The following TRIM5 variants were observed in gnomAD, a reference collection of about 807,000 sequenced individuals.
TRIM5 encodes the protein tripartite motif-containing protein 5.
Under a neutral mutation model 35.6 loss-of-function variants are expected in TRIM5, and 31 were observed. The ratio of observed to expected loss-of-function variants is 0.87; its 90% CI spans 0.65 to 1.18. TRIM5 has a LOEUF of 1.18. Ranked by LOEUF, TRIM5 falls within the 50% of genes most tolerant of loss-of-function variation. TRIM5 has a pLI of 0.00. For missense variants in TRIM5, 609 were observed against 591.6 expected, an observed-to-expected ratio of 1.03 and a Z score of -0.31; for synonymous variants, 243 against 215.6, an observed-to-expected ratio of 1.13 and a Z score of -1.11.
the TRIM5 span, among the ~76,000 whole-genome samples, chr11:5,607,790 C>T: frequency 6.6e-6 from 1 of 152,182 alleles, no homozygotes; most frequent in Non-Finnish European, 1.5e-5. Context: ...TTCTTTTAAA[C>T]ATCTTGCATT....
chr11:5,671,385 T>C (rs2342389), intron 4 of TRIM5, among the ~76,000 whole-genome samples: 22,435 of 150,080 alleles, frequency 0.15, 2,198 homozygotes, highest in African/African-American at 0.28. Flanking sequence ...AGCTAGAAGA[T>C]AAAGACTTCA....
At chr11:5,643,143 G>A in the TRIM5 span, 4 of 1,429,978 alleles carry the variant, frequency 2.8e-6, no homozygotes, top group Non-Finnish European at 2.7e-6. Flanking sequence ...TTTTCTTGCA[G>A]TGGATGTCAC....
the TRIM5 span, among the ~76,000 whole-genome samples, chr11:5,608,849 T>A: frequency 1.5e-5 from 2 of 133,106 alleles, no homozygotes; most frequent in Non-Finnish European, 3.1e-5. Flanking sequence ...GCCCATAAAT[T>A]TTTTTTTTTT....
At chr11:5,643,252 G>A in the TRIM5 span, 1 of 1,613,840 alleles carries the variant, frequency 6.2e-7, no homozygotes, top group South Asian at 1.1e-5. Context: ...TATAATTATG[G>A]TGTCTTGGGA....
At chr11:5,627,494 G>A in the TRIM5 span, among the ~76,000 whole-genome samples, 376 of 151,896 alleles carry the variant, frequency 2.5e-3, 3 homozygotes, top group Middle Eastern at 6.8e-3. Context: ...AAACTAATTT[G>A]AAAAAAAACT....
At chr11:5,632,255 C>A in the TRIM5 span, 1 of 1,593,276 alleles carries the variant, frequency 6.3e-7, no homozygotes, top group Admixed American at 1.8e-5. Context: ...ATCTTCTCAG[C>A]CATCCAGGGG....
At chr11:5,634,940 A>G in the TRIM5 span, 2 of 1,486,272 alleles carry the variant, frequency 1.3e-6, no homozygotes, top group South Asian at 2.6e-5. Context: ...TGGTGGTGAC[A>G]CTAAGGGGTT....
At chr11:5,668,027 G>T (rs368750510) in intron 4 of TRIM5, among the ~76,000 whole-genome samples, 14 of 152,292 alleles carry the variant, frequency 9.2e-5, no homozygotes, top group African/African-American at 3.1e-4. Context: ...TCCATGAAAT[G>T]ATTTAAATAA....
chr11:5,636,757 C>T, the TRIM5 span, among the ~76,000 whole-genome samples: 8 of 152,268 alleles, frequency 5.3e-5, no homozygotes, highest in Non-Finnish European at 1.2e-4. Flanking sequence ...CATTTCACTT[C>T]TAGATGTTAG....
the TRIM5 span, chr11:5,589,719 A>G: frequency 7.0e-4 from 112 of 159,150 alleles, no homozygotes; most frequent in Non-Finnish European, 1.0e-3. Flanking sequence ...GCGTGCTGGC[A>G]GTCCTCACAG....
At chr11:5,616,248 G>A in the TRIM5 span, among the ~76,000 whole-genome samples, 40,395 of 143,688 alleles carry the variant, frequency 0.28, 9,353 homozygotes, top group East Asian at 0.62. Context: ...ACCGCGCCCG[G>A]CCTCATCTTT....
chr11:5,595,854 T>C, the TRIM5 span, among the ~76,000 whole-genome samples: 4 of 152,054 alleles, frequency 2.6e-5, no homozygotes, highest in East Asian at 7.7e-4. Context: ...AGCTAATTTC[T>C]GTATTTTTAG....
At chr11:5,614,263 T>C in the TRIM5 span, among the ~76,000 whole-genome samples, 1 of 152,244 alleles carries the variant, frequency 6.6e-6, no homozygotes, top group South Asian at 2.1e-4. Context: ...AGTGGCACTG[T>C]TCCATGTGGG....
the TRIM5 span, among the ~76,000 whole-genome samples, chr11:5,633,149 T>TC: frequency 1.9e-3 from 268 of 140,860 alleles, 1 homozygote; most frequent in East Asian, 6.9e-3. Context: ...TTTCTTTCTT[T>TC]TTTTTTTTTT....
At chr11:5,648,290 A>G in the TRIM5 span, among the ~76,000 whole-genome samples, 1 of 151,912 alleles carries the variant, frequency 6.6e-6, no homozygotes, top group South Asian at 2.1e-4. Context: ...GTGGATCACG[A>G]GGTCAGGAGA....
the TRIM5 span, chr11:5,655,751 C>T: frequency 3.3e-6 from 3 of 902,820 alleles, no homozygotes; most frequent in Non-Finnish European, 4.0e-6. Context: ...ATGTGCAGGA[C>T]ATATAAAATC....
At chr11:5,641,666 C>G in the TRIM5 span, among the ~76,000 whole-genome samples, 1 of 152,090 alleles carries the variant, frequency 6.6e-6, no homozygotes, top group African/African-American at 2.4e-5. Context: ...AAAGTAGACT[C>G]GAGCCTCAGG....
the TRIM5 span, chr11:5,634,692 T>C: frequency 6.2e-7 from 1 of 1,614,056 alleles, no homozygotes; most frequent in Non-Finnish European, 8.5e-7. Context: ...AGAAGCATCC[T>C]AAATAATGAG....
At chr11:5,615,714 C>T in the TRIM5 span, among the ~76,000 whole-genome samples, 454 of 151,906 alleles carry the variant, frequency 3.0e-3, 2 homozygotes, top group African/African-American at 0.01. Context: ...CTGCCTCAGC[C>T]TCCCGAGTAG....
Sources: allele counts gnomAD v4.1 joint callset (sites outside exome capture counted in the v4.1 genomes callset), GRCh38; gene constraint gnomAD v4.1.1; transcripts MANE v1.5; gene names NCBI Gene and HGNC (gene_info 2026-07-23, HGNC 2026-07-21).